RIMS2: variants seen among roughly 807,000 people sequenced by gnomAD.
RIMS2 encodes the protein regulating synaptic membrane exocytosis 2.
A neutral mutation model predicts 174.4 loss-of-function variants in RIMS2; 59 were observed. The ratio of observed to expected loss-of-function variants is 0.34; its 90% CI spans 0.27 to 0.42. The LOEUF is 0.42. RIMS2 is among the 10% of genes least tolerant of loss of function. The pLI, the probability that RIMS2 is intolerant of heterozygous loss-of-function variation, is 1.00. For synonymous variants in RIMS2, 606 were observed against 572.5 expected, an observed-to-expected ratio of 1.06 and a Z score of -0.84; for missense variants, 1,620 against 1,666.3, an observed-to-expected ratio of 0.97 and a Z score of 0.48.
intron 9 of RIMS2, 95 bp from the exon 13 acceptor site, chr8:103,921,576 CA>C: frequency 1.2e-5 from 8 of 658,154 alleles, no homozygotes; most frequent in East Asian, 2.8e-5. Context: ...TTGTGGACAT[CA>C]AAAAAATAAA....
At chr8:103,649,823 G>T (rs1333057014) in intron 1 of RIMS2, among the ~76,000 whole-genome samples, 1 of 151,900 alleles carries the variant, frequency 6.6e-6, no homozygotes, top group East Asian at 1.9e-4. Context: ...CTCCTGTATT[G>T]TTTTATCATG....
At chr8:103,583,235 G>T (rs1041691222) in intron 1 of RIMS2, among the ~76,000 whole-genome samples, 2 of 152,194 alleles carry the variant, frequency 1.3e-5, no homozygotes, top group African/African-American at 2.4e-5. Flanking sequence ...TGGGCTTGGG[G>T]TGCTCTCTAA....
intron 19 of RIMS2, among the ~76,000 whole-genome samples, chr8:104,205,029 CTT>C (rs1316242689): frequency 6.6e-6 from 1 of 152,114 alleles, no homozygotes; most frequent in Non-Finnish European, 1.5e-5. Flanking sequence ...TTTCTGAAGA[CTT>C]TGGGCATCAT....
intron 19 of RIMS2, among the ~76,000 whole-genome samples, chr8:104,091,588 A>T (rs2097658928): frequency 6.7e-6 from 1 of 150,330 alleles, no homozygotes; most frequent in African/African-American, 2.4e-5. Context: ...TTGTGAAAAT[A>T]TGTATAGATA....
At chr8:103,696,977 T>C in intron 1 of RIMS2, 109 bp from the exon 4 acceptor site, 1 of 662,722 alleles carries the variant, frequency 1.5e-6, no homozygotes, top group Non-Finnish European at 2.7e-6. Context: ...TTCTTTTTAT[T>C]CTCATCTTGT....
At chr8:104,033,164 A>T (rs2096437366) in intron 19 of RIMS2, among the ~76,000 whole-genome samples, 1 of 151,992 alleles carries the variant, frequency 6.6e-6, no homozygotes, top group Admixed American at 6.6e-5. Context: ...GGGAATTTAA[A>T]TTTTTTCATA....
chr8:103,965,084 T>G (rs2091440623), intron 15 of RIMS2, among the ~76,000 whole-genome samples: 1 of 152,150 alleles, frequency 6.6e-6, no homozygotes, highest in African/African-American at 2.4e-5. Flanking sequence ...TATTGAAAAG[T>G]CAGGGTCAAT....
intron 19 of RIMS2, among the ~76,000 whole-genome samples, chr8:104,059,109 G>T (rs1681870168): frequency 6.6e-6 from 1 of 151,230 alleles, no homozygotes; most frequent in Admixed American, 6.6e-5. Context: ...TGTGAAGAAA[G>T]GCATTGGTAG....
At chr8:104,211,144 G>A (rs2099103501) in intron 19 of RIMS2, among the ~76,000 whole-genome samples, 1 of 152,140 alleles carries the variant, frequency 6.6e-6, no homozygotes, top group Admixed American at 6.5e-5. Flanking sequence ...GAGAAAGTGT[G>A]CAGCAGGGAA....
At chr8:104,180,038 C>T (rs996011982) in intron 19 of RIMS2, among the ~76,000 whole-genome samples, 3 of 151,686 alleles carry the variant, frequency 2.0e-5, no homozygotes, top group Non-Finnish European at 4.4e-5. Context: ...ACATAAAGAT[C>T]TATCTCATCT....
chr8:103,525,526 GT>G (rs1833579692), intron 1 of RIMS2, among the ~76,000 whole-genome samples: 1 of 152,142 alleles, frequency 6.6e-6, no homozygotes, highest in African/African-American at 2.4e-5. Flanking sequence ...GCTTGGGTTA[GT>G]TACCAACCCT....
chr8:103,551,663 C>A (rs893280960), intron 1 of RIMS2, among the ~76,000 whole-genome samples: 2 of 152,114 alleles, frequency 1.3e-5, no homozygotes, highest in African/African-American at 4.8e-5. Flanking sequence ...TCAAATTGTC[C>A]TTGTTTGCAG....
At chr8:103,559,402 GC>G in intron 1 of RIMS2, 1 of 353,854 alleles carries the variant, frequency 2.8e-6, no homozygotes, top group Non-Finnish European at 5.4e-6. Context: ...GGTGGAGCAT[GC>G]CAGTGATCCG....
chr8:103,876,867 TATATATATATATATA>T (rs1565060709), intron 3 of RIMS2, among the ~76,000 whole-genome samples: 1,319 of 28,474 alleles, frequency 0.046, 58 homozygotes, highest in African/African-American at 0.11. Context: ...CACTATTTTA[TATATATATATATATA>T]TATATATATA....
At chr8:104,060,845 A>G (rs1301363732) in intron 19 of RIMS2, among the ~76,000 whole-genome samples, 1 of 152,050 alleles carries the variant, frequency 6.6e-6, no homozygotes, top group African/African-American at 2.4e-5. Context: ...GTCATTCAGG[A>G]GCAGGTTGTT....
intron 3 of RIMS2, among the ~76,000 whole-genome samples, chr8:103,786,849 C>A (rs956533881): frequency 2.0e-5 from 3 of 152,112 alleles, no homozygotes; most frequent in African/African-American, 4.8e-5. Context: ...TTTCGTTGAT[C>A]TGTCTAATGT....
intron 19 of RIMS2, among the ~76,000 whole-genome samples, chr8:104,019,986 C>T (rs1167527989): frequency 6.6e-6 from 1 of 151,988 alleles, no homozygotes; most frequent in African/African-American, 2.4e-5. Flanking sequence ...TGTGCTAAAC[C>T]AGTTTGTTGC....
intron 19 of RIMS2, among the ~76,000 whole-genome samples, chr8:104,070,201 G>A (rs546099802): frequency 2.6e-5 from 4 of 152,282 alleles, no homozygotes; most frequent in African/African-American, 9.6e-5. Context: ...AGAAGGCAGA[G>A]ATTCTTAACA....
intron 1 of RIMS2, among the ~76,000 whole-genome samples, chr8:103,573,589 G>C (rs557072669): frequency 8.5e-5 from 13 of 152,158 alleles, no homozygotes; most frequent in African/African-American, 3.1e-4. Context: ...GTCTATTTTT[G>C]TACCATATCG....
Sources: gnomAD v4.1 joint callset for allele counts (sites outside exome capture counted in the v4.1 genomes callset) on GRCh38, gnomAD v4.1.1 for gene constraint, MANE v1.5 for transcripts, NCBI Gene and HGNC (gene_info 2026-07-23, HGNC 2026-07-21) for gene names.